The following SNAP91 variants were observed in gnomAD, a reference collection of about 807,000 sequenced individuals.
SNAP91 encodes clathrin coat assembly protein AP180.
A neutral mutation model predicts 100.3 loss-of-function variants in SNAP91; 27 were observed. That is an observed-to-expected ratio of 0.27 (90% CI 0.20 to 0.37). The LOEUF is 0.37. SNAP91 is among the 10% of genes least tolerant of loss of function. The pLI is 1.00. For synonymous variants in SNAP91, 404 were observed against 398.6 expected (o/e 1.01, Z -0.16); for missense variants, 986 against 1,123.7 (o/e 0.88, Z 1.75).
intron 2 of SNAP91, among the ~76,000 whole-genome samples, chr6:83,707,366 T>C (rs2099394439): frequency 6.6e-6 from 1 of 151,236 alleles, no homozygotes; most frequent in South Asian, 2.1e-4. Context: ...AGGAAAGAAC[T>C]AGGGTGACAA....
intron 2 of SNAP91, among the ~76,000 whole-genome samples, chr6:83,702,687 T>C (rs2099328805): frequency 6.6e-6 from 1 of 150,860 alleles, no homozygotes; most frequent in Admixed American, 6.6e-5. Context: ...AAGTATCTGC[T>C]AACCACACCA....
intron 26 of SNAP91, among the ~76,000 whole-genome samples, chr6:83,564,335 C>CTTTTTTTTTTTTTTT (rs59056272): frequency 6.9e-6 from 1 of 144,188 alleles, no homozygotes; most frequent in African/African-American, 2.6e-5. Context: ...TTTCTCTTTT[C>CTTTTTTTTTTTTTTT]TTTTTTTTTT....
At chr6:83,555,251 A>G (rs1225333848) in intron 29 of SNAP91, among the ~76,000 whole-genome samples, 1 of 152,182 alleles carries the variant, frequency 6.6e-6, no homozygotes, top group Non-Finnish European at 1.5e-5. Context: ...AGAATCCACA[A>G]AAATCTTAGT....
chr6:83,641,326 C>T, intron 7 of SNAP91, 124 bp from the exon 8 acceptor site: 2 of 505,532 alleles, frequency 4.0e-6, no homozygotes, highest in South Asian at 6.5e-5. Context: ...GGCAGTAAAA[C>T]TTATATGAGG....
intron 11 of SNAP91, among the ~76,000 whole-genome samples, chr6:83,613,300 T>C (rs7775731): frequency 0.044 from 6,738 of 152,294 alleles, 489 homozygotes; most frequent in African/African-American, 0.15. Context: ...TTTATATCCC[T>C]AGCACTTTAC....
At position 83,659,101 on chromosome 6, in the gene SNAP91, A is replaced by T. The variant is rs7770662; in HGVS notation, c.453-9T>A. The T allele has an allele frequency of 1.2e-5, 2 of 169,038 alleles. No individual in the cohort carries two copies. The highest frequency in any genetic ancestry group is 1.0e-5 in the Non-Finnish European group (1 of 98,136). 10.5% of individuals were successfully genotyped at this position (169,038 alleles called of 1,614,324 possible). A position where few individuals can be genotyped will look rare whatever the true frequency, so the allele number is the denominator to read the frequency against. ...TCATTACACCATCGGCCCTACAATT[A>T]AAAAAAAAAAAAAGGTACAATTTCA... On this transcript the variant is annotated splice_polypyrimidine_tract_variant and intron_variant, in intron 5 of 29. Coordinates refer to ENST00000369694, the MANE Select transcript of SNAP91 (RefSeq NM_001242792.2).
intron 5 of SNAP91, among the ~76,000 whole-genome samples, chr6:83,660,649 C>T (rs1344406183): frequency 6.6e-6 from 1 of 151,800 alleles, no homozygotes; most frequent in African/African-American, 2.4e-5. Context: ...GTAGTATTAA[C>T]AATTAGTTTG....
At chr6:83,633,136 T>C (rs2128485647) in intron 8 of SNAP91, among the ~76,000 whole-genome samples, 1 of 152,280 alleles carries the variant, frequency 6.6e-6, no homozygotes, top group South Asian at 2.1e-4. Context: ...AGCCAAGCTG[T>C]AGTGATTGTT....
chr6:83,644,856 G>A (rs1585329290), intron 7 of SNAP91, among the ~76,000 whole-genome samples: 1 of 152,118 alleles, frequency 6.6e-6, no homozygotes, highest in Non-Finnish European at 1.5e-5. Context: ...TATTCATAAG[G>A]TTAACTCCTA....
chr6:83,556,336 AGAGGGG>A (rs1562070285), intron 28 of SNAP91, 91 bp from the exon 29 acceptor site: 3 of 52,164 alleles, frequency 5.8e-5, no homozygotes, highest in African/African-American at 1.1e-4. Flanking sequence ...GGAGAGAGGG[AGAGGGG>A]GAGAGAGAGA....
intron 8 of SNAP91, among the ~76,000 whole-genome samples, chr6:83,638,609 A>G (rs1005731876): frequency 6.6e-6 from 1 of 152,176 alleles, no homozygotes; most frequent in African/African-American, 2.4e-5. Context: ...GAAGGCACTG[A>G]AAGAGGCATT....
At chr6:83,598,514 A>T (rs1055880288) in intron 16 of SNAP91, among the ~76,000 whole-genome samples, 12 of 152,190 alleles carry the variant, frequency 7.9e-5, no homozygotes, top group Non-Finnish European at 1.8e-4. Context: ...GATGAAATTA[A>T]ATAGCCATCC....
intron 12 of SNAP91, among the ~76,000 whole-genome samples, chr6:83,608,471 A>G (rs372603145): frequency 6.6e-6 from 1 of 152,326 alleles, no homozygotes; most frequent in Admixed American, 6.5e-5. Flanking sequence ...TACTGTAACT[A>G]AACAATTTTG....
chr6:83,557,991 G>A (rs1781354133), intron 28 of SNAP91, among the ~76,000 whole-genome samples: 2 of 151,708 alleles, frequency 1.3e-5, no homozygotes. Context: ...TAAATATGGT[G>A]TATCATTACC....
chr6:83,631,643 A>C (rs2097208863), intron 8 of SNAP91, among the ~76,000 whole-genome samples: 1 of 152,094 alleles, frequency 6.6e-6, no homozygotes, highest in Admixed American at 6.6e-5. Context: ...GTCTGATATA[A>C]GAATAGCTCT....
chr6:83,640,993 C>T (rs1324875918), intron 8 of SNAP91, 103 bp downstream of exon 8: 3 of 640,016 alleles, frequency 4.7e-6, no homozygotes, highest in African/African-American at 3.9e-5. Context: ...CACTTCCAAC[C>T]CTAATATACT....
intron 11 of SNAP91, among the ~76,000 whole-genome samples, chr6:83,612,618 G>C (rs371670814): frequency 3.3e-4 from 50 of 152,298 alleles, no homozygotes; most frequent in African/African-American, 1.2e-3. Context: ...GCTCACGCCT[G>C]TAATCCCAGC....
intron 8 of SNAP91, among the ~76,000 whole-genome samples, chr6:83,634,361 C>T (rs2097343427): frequency 2.0e-5 from 3 of 149,692 alleles, no homozygotes; most frequent in Admixed American, 2.0e-4. Flanking sequence ...TACGGTTTCC[C>T]CAGTGCGGGG....
intron 24 of SNAP91, among the ~76,000 whole-genome samples, chr6:83,580,105 G>A (rs1197224099): frequency 6.6e-6 from 1 of 152,128 alleles, no homozygotes; most frequent in African/African-American, 2.4e-5. Flanking sequence ...TATACTTCAT[G>A]TAAGTTACCC....
Sources: allele counts gnomAD v4.1 joint callset (sites outside exome capture counted in the v4.1 genomes callset), GRCh38; gene constraint gnomAD v4.1.1; transcripts MANE v1.5; gene names NCBI Gene and HGNC (gene_info 2026-07-23, HGNC 2026-07-21).